SH3GL1: variants seen among roughly 807,000 people sequenced by gnomAD.
The protein encoded by SH3GL1 is SH3 domain containing GRB2 like 1, endophilin A2.
SH3GL1 carries 21 observed loss-of-function variants against 48.8 expected under a neutral mutation model. That is an observed-to-expected ratio of 0.43 (90% CI 0.30 to 0.62). The LOEUF (loss-of-function observed/expected upper bound fraction) is 0.62, where lower values mean the gene tolerates loss of function less well. SH3GL1 is among the 20% of genes least tolerant of loss of function. The pLI, the probability that SH3GL1 is intolerant of heterozygous loss-of-function variation, is 0.11. For missense variants in SH3GL1, 454 were observed against 503.0 expected, an observed-to-expected ratio of 0.90 and a Z score of 0.93; for synonymous variants, 282 against 217.5, an observed-to-expected ratio of 1.30 and a Z score of -2.61.
Position 4,365,495 on chromosome 19 carries a change from G to A in SH3GL1, c.318C>T (p.Gly106=). The change falls in exon 4 of 10, where the codon GGC becomes GGT. Residue 106 remains glycine (G), a synonymous_variant. Coordinates refer to ENST00000269886, the MANE Select transcript of SH3GL1 (RefSeq NM_003025.4). ...AGCACCACTCACCAAAGTTGGACTC[G>A]CCGCCCAGCTCCTTCCCGTGGCGGA... ...CMIRHGKELG[G]ESNFGDALLD... 2 of 1,613,742 alleles carry A rather than the reference G, an allele frequency of 1.2e-6. No homozygotes were observed. The highest frequency in any genetic ancestry group is 1.7e-6 in the Non-Finnish European group (2 of 1,180,026).
intron 1 of SH3GL1, among the ~76,000 whole-genome samples, chr19:4,384,909 G>T (rs1161472518): frequency 6.6e-6 from 1 of 152,148 alleles, no homozygotes; most frequent in Admixed American, 6.5e-5. Context: ...TTCGAGACTA[G>T]CCTGGCCAAC....
intron 1 of SH3GL1, among the ~76,000 whole-genome samples, chr19:4,379,439 A>AT (rs1216065089): frequency 1.3e-5 from 2 of 148,700 alleles, no homozygotes; most frequent in Admixed American, 6.6e-5. Context: ...AAAAAAAAAA[A>AT]AATAAAGCAG....
At position 4,362,763 on chromosome 19, in the gene SH3GL1, C is replaced by T. The variant is rs372233351; in HGVS notation, c.729-27G>A. 100 of 1,613,252 alleles carry T rather than the reference C, an allele frequency of 6.2e-5. No individual in the cohort carries two copies. The African/African-American group carries it at 9.5e-4, about 15-fold the overall frequency. ...TGTGAAGGGAGAGGCGTGAGTGGAC[C>T]GAGCCCGTGTCACGGCCGAGGCAGC... On this transcript the variant is annotated intron_variant, in intron 7 of 9. Coordinates refer to ENST00000269886, the MANE Select transcript of SH3GL1 (RefSeq NM_003025.4).
intron 1 of SH3GL1, among the ~76,000 whole-genome samples, chr19:4,373,870 G>C (rs1444239324): frequency 6.6e-6 from 1 of 152,302 alleles, no homozygotes; most frequent in African/African-American, 2.4e-5. Context: ...AAGACAGCCA[G>C]ACATTGGGGG....
rs767494738 is a variant in SH3GL1, at chr19:4,361,761, C to G, written c.946G>C (p.Asp316His). The G allele has an allele frequency of 3.7e-6, 6 of 1,611,638 alleles. No homozygotes were observed. Among genetic ancestry groups the G allele is most frequent in the Middle Eastern group, 3.3e-4 (2 of 6,058 alleles). ...LDQPSCKALY[D>H]FEPENDGELG... ...TCCCCGTCGTTCTCGGGCTCGAAGTCGTACAGCGCCTTGCAGCTCGGCTGG... is the reference window on the plus strand; with the variant it reads ...TCCCCGTCGTTCTCGGGCTCGAAGTGGTACAGCGCCTTGCAGCTCGGCTGG... The change falls in exon 10 of 10, where the codon GAC (aspartate) becomes CAC (histidine). Residue 316 changes from aspartate to histidine, a missense_variant. Asp to His is a moderately conservative substitution (Grantham distance 81). This residue lies in a region of SH3GL1 where 278 missense variants were observed against 246.8 expected (regional missense o/e 1.13). Coordinates refer to ENST00000269886, the MANE Select transcript of SH3GL1 (RefSeq NM_003025.4).
In SH3GL1 at chr19:4,362,752, C is replaced by T. The variant is rs377545383; in HGVS notation, c.729-16G>A. 23 of 1,613,426 alleles carry T rather than the reference C, an allele frequency of 1.4e-5. No individual in the cohort carries two copies. Among genetic ancestry groups the T allele is most frequent in the African/African-American group, 1.1e-4 (8 of 74,938 alleles). Reference sequence around the variant, plus strand: ...TTCCCGCATCCTGTGAAGGGAGAGGCGTGAGTGGACCGAGCCCGTGTCACG... The same window carrying T: ...TTCCCGCATCCTGTGAAGGGAGAGGTGTGAGTGGACCGAGCCCGTGTCACG... On this transcript the variant is annotated splice_polypyrimidine_tract_variant and intron_variant, in intron 7 of 9. Coordinates refer to ENST00000269886, the MANE Select transcript of SH3GL1 (RefSeq NM_003025.4).
chr19:4,375,248 C>A (rs926927198), intron 1 of SH3GL1, among the ~76,000 whole-genome samples: 1 of 152,216 alleles, frequency 6.6e-6, no homozygotes, highest in Non-Finnish European at 1.5e-5. Flanking sequence ...CCTGGCCCAG[C>A]TGCCGCCTCT....
chr19:4,391,591 G>GA (rs1199534233), intron 1 of SH3GL1, among the ~76,000 whole-genome samples: 2 of 152,196 alleles, frequency 1.3e-5, no homozygotes, highest in Admixed American at 6.5e-5. Context: ...TTAAGAATGG[G>GA]AAAACGTAGG....
chr19:4,384,684 A>AATG (rs1194250002), intron 1 of SH3GL1, among the ~76,000 whole-genome samples: 2 of 152,164 alleles, frequency 1.3e-5, no homozygotes, highest in African/African-American at 4.8e-5. Flanking sequence ...GGAGACTCTA[A>AATG]ATGTCCACTG....
At chr19:4,371,324 G>A (rs1705933174) in intron 1 of SH3GL1, among the ~76,000 whole-genome samples, 1 of 152,252 alleles carries the variant, frequency 6.6e-6, no homozygotes, top group Non-Finnish European at 1.5e-5. Flanking sequence ...TACCCAGAGG[G>A]GTGTGGGCAG....
At chr19:4,392,065 A>C (rs1323906259) in intron 1 of SH3GL1, among the ~76,000 whole-genome samples, 1 of 152,218 alleles carries the variant, frequency 6.6e-6, no homozygotes, top group East Asian at 1.9e-4. Flanking sequence ...TCCGGAGGTC[A>C]GCCTGCAGCT....
At chr19:4,395,665 T>C (rs1458820260) in intron 1 of SH3GL1, 2 of 152,120 alleles carry the variant, frequency 1.3e-5, no homozygotes, top group African/African-American at 4.8e-5. Context: ...CCCAGCACTT[T>C]GGGAGGCTGA....
At chr19:4,396,382 A>T (rs1201983907) in intron 1 of SH3GL1, among the ~76,000 whole-genome samples, 2 of 152,204 alleles carry the variant, frequency 1.3e-5, no homozygotes, top group African/African-American at 4.8e-5. Flanking sequence ...CTGGGCAACA[A>T]GAGAGAAGCT....
At chr19:4,379,793 G>A (rs1047719113) in intron 1 of SH3GL1, among the ~76,000 whole-genome samples, 3 of 152,246 alleles carry the variant, frequency 2.0e-5, no homozygotes, top group South Asian at 2.1e-4. Context: ...CTGCTGCGAC[G>A]TCAACACAAA....
At chr19:4,366,073 T>G (rs952442302) in intron 3 of SH3GL1, among the ~76,000 whole-genome samples, 3 of 152,122 alleles carry the variant, frequency 2.0e-5, no homozygotes, top group South Asian at 2.1e-4. Context: ...GTCCGTGGCC[T>G]CCTATGGAGC....
At chr19:4,371,954 C>T (rs889682344) in intron 1 of SH3GL1, among the ~76,000 whole-genome samples, 3 of 152,194 alleles carry the variant, frequency 2.0e-5, no homozygotes, top group South Asian at 2.1e-4. Flanking sequence ...TCAACCGCAG[C>T]GAATACCTGT....
In SH3GL1 at chr19:4,362,686, C is replaced by A. The variant is rs527380978; in HGVS notation, c.779G>T (p.Arg260Leu). 4 of 1,613,904 alleles carry A rather than the reference C, an allele frequency of 2.5e-6. No individual in the cohort carries two copies. Among genetic ancestry groups the A allele is most frequent in the African/African-American group, 1.3e-5 (1 of 74,944 alleles). ...AGGCTCTCCAAGGTCAAAGGGCTCC[C>A]GGGGCTTGGGCTTATACTCCCGCTT... ...RPKREYKPKP[R>L]EPFDLGEPEQ... The change falls in exon 8 of 10, where the codon CGG (arginine) becomes CTG (leucine). Residue 260 changes from arginine (R) to leucine (L), a missense_variant. Arg to Leu is a moderately radical substitution (Grantham distance 102). Coordinates refer to ENST00000269886, the MANE Select transcript of SH3GL1 (RefSeq NM_003025.4).
intron 1 of SH3GL1, among the ~76,000 whole-genome samples, chr19:4,373,557 C>G (rs1261541392): frequency 1.3e-5 from 2 of 152,230 alleles, no homozygotes; most frequent in African/African-American, 4.8e-5. Context: ...AGATTGGGCA[C>G]CCGGGGACAG....
chr19:4,362,342 A>C lies in SH3GL1; in HGVS notation c.897T>G (p.Pro299=), dbSNP rs1972641676. 1 of 1,612,138 alleles carries C rather than the reference A, an allele frequency of 6.2e-7. No individual in the cohort carries two copies. The highest frequency in any genetic ancestry group is 8.5e-7 in the Non-Finnish European group (1 of 1,179,136). The part of the protein sequence containing the change: ...FRSSDKPIRT[P]SRSMPPLDQP... ...GGGAACACTCACGCATGCTCCGGCT[A>C]GGGGTCCGGATGGGCTTGTCGGAAG... Residue 299 remains proline (P), a synonymous_variant, in exon 9 of 10, where the codon CCT becomes CCG. Coordinates refer to ENST00000269886, the MANE Select transcript of SH3GL1 (RefSeq NM_003025.4).
Sources: allele counts gnomAD v4.1 joint callset (sites outside exome capture counted in the v4.1 genomes callset), GRCh38; gene constraint gnomAD v4.1.1; regional missense constraint gnomAD v4.1.1; transcripts MANE v1.5; gene names NCBI Gene and HGNC (gene_info 2026-07-23, HGNC 2026-07-21).